The following HSD17B3 variants were observed in gnomAD, a reference collection of about 807,000 sequenced individuals.
HSD17B3 encodes the protein hydroxysteroid 17-beta dehydrogenase 3, also known as 17-beta-hydroxysteroid dehydrogenase type 3.
A neutral mutation model predicts 41.1 loss-of-function variants in HSD17B3; 29 were observed. The observed-to-expected ratio is 0.71, with a 90% CI of 0.53 to 0.96. HSD17B3 has a LOEUF of 0.96. Among genes scored for constraint, HSD17B3 ranks in the 40% least tolerant of loss-of-function variants. The pLI is 0.00. For missense variants in HSD17B3, 323 were observed against 374.6 expected (o/e 0.86, Z 1.14); for synonymous variants, 126 against 145.6 (o/e 0.87, Z 0.97).
chr9:96,294,037 G>C (rs938067407), intron 2 of HSD17B3, among the ~76,000 whole-genome samples: 4 of 152,296 alleles, frequency 2.6e-5, no homozygotes, highest in African/African-American at 9.6e-5. Context: ...TTAGCAGGGA[G>C]AGAACAGGAT....
At chr9:96,261,152 C>A (rs1416319657) in intron 2 of HSD17B3, among the ~76,000 whole-genome samples, 1 of 152,050 alleles carries the variant, frequency 6.6e-6, no homozygotes, top group Non-Finnish European at 1.5e-5. Flanking sequence ...CCCAGACCCC[C>A]CAAAAATCTA....
At chr9:96,246,488 C>A (rs944024334) in intron 7 of HSD17B3, 68 bp downstream of exon 7, 3 of 1,394,756 alleles carry the variant, frequency 2.2e-6, no homozygotes, top group South Asian at 1.2e-5. Context: ...TGTCCCCAGT[C>A]CCTGAGTTAG....
intron 5 of HSD17B3, chr9:96,250,193 G>A: frequency 8.8e-7 from 1 of 1,140,722 alleles, no homozygotes; most frequent in Non-Finnish European, 1.1e-6. Context: ...GCTATGGAGG[G>A]CAGGTAAAGA....
At chr9:96,270,506 A>G (rs1366933800) in intron 2 of HSD17B3, among the ~76,000 whole-genome samples, 1 of 152,252 alleles carries the variant, frequency 6.6e-6, no homozygotes, top group Non-Finnish European at 1.5e-5. Context: ...GACATTAGGA[A>G]GAAGAATTTC....
chr9:96,287,744 T>A (rs969010126), intron 2 of HSD17B3, among the ~76,000 whole-genome samples: 1 of 151,488 alleles, frequency 6.6e-6, no homozygotes, highest in Non-Finnish European at 1.5e-5. Flanking sequence ...TAAAATTTTT[T>A]AAAAAGACAA....
At chr9:96,240,708 C>A (rs372569640) in intron 10 of HSD17B3, 50 bp downstream of exon 10, 2 of 1,604,152 alleles carry the variant, frequency 1.2e-6, no homozygotes, top group African/African-American at 2.7e-5. Flanking sequence ...CCAGGGCCAC[C>A]TGCGTGTCCT....
chr9:96,275,898 T>C (rs2130769053), intron 2 of HSD17B3, among the ~76,000 whole-genome samples: 1 of 151,928 alleles, frequency 6.6e-6, no homozygotes, highest in Non-Finnish European at 1.5e-5. Flanking sequence ...TCCTCACCTA[T>C]CAATAATTAT....
intron 2 of HSD17B3, among the ~76,000 whole-genome samples, chr9:96,284,662 T>C (rs1396650690): frequency 1.3e-5 from 2 of 152,158 alleles, no homozygotes; most frequent in South Asian, 4.1e-4. Context: ...TTCTGACCCA[T>C]AGTAAGTAAA....
rs747479797 is a variant in HSD17B3, at chr9:96,290,456, C to CCTTTTTTTTTTTTTTTTTTTTTT, written c.201+7959_201+7960insAAAAAAAAAAAAAAAAAAAAAAG. 3.8e-5 allele frequency among the ~76,000 whole-genome samples: 3 copies of CCTTTTTTTTTTTTTTTTTTTTTT among 78,418 alleles called. 1 individual carries two copies. Among genetic ancestry groups the CCTTTTTTTTTTTTTTTTTTTTTT allele is most frequent in the Non-Finnish European group, 2.2e-5 (1 of 46,054 alleles). 51.4% of individuals were successfully genotyped at this position (78,418 alleles called of 152,430 possible). ...GAAGGGCACTGTGGTATTTCCTGGG[C>CCTTTTTTTTTTTTTTTTTTTTTT]TTTTTTTTTTTTTTTTTTTTTTTCC... On this transcript the variant is annotated intron_variant, in intron 2 of 10. Transcript: ENST00000375263.
At chr9:96,292,778 T>C (rs1473887139) in intron 2 of HSD17B3, among the ~76,000 whole-genome samples, 1 of 152,172 alleles carries the variant, frequency 6.6e-6, no homozygotes, top group Non-Finnish European at 1.5e-5. Context: ...AGAAAAAATT[T>C]TGAAAGCCAA....
At chr9:96,270,128 A>C (rs1826187154) in intron 2 of HSD17B3, among the ~76,000 whole-genome samples, 2 of 152,132 alleles carry the variant, frequency 1.3e-5, no homozygotes, top group African/African-American at 2.4e-5. Context: ...CTTCAAGGAC[A>C]CTGGTGATGT....
In HSD17B3 at chr9:96,235,433, G is replaced by T; in HGVS notation, c.*27C>A. Reference sequence around the variant, plus strand: ...GCCAGCATGGGACTGGTGAGGAAAAGGTTGTGCTGGACTCCTCACCGCCTG... The same window carrying T: ...GCCAGCATGGGACTGGTGAGGAAAATGTTGTGCTGGACTCCTCACCGCCTG... On this transcript the variant is annotated 3_prime_UTR_variant, in exon 11 of 11. Coordinates refer to ENST00000375263, the MANE Select transcript of HSD17B3 (RefSeq NM_000197.2). 2 of 1,507,224 alleles carry T rather than the reference G, an allele frequency of 1.3e-6. No individual in the cohort carries two copies. The highest frequency in any genetic ancestry group is 1.8e-6 in the Non-Finnish European group (2 of 1,087,012). The allele number at this position is 1,507,224 out of a possible 1,614,324, so 93.4% of individuals were successfully genotyped here. A position where few individuals can be genotyped will look rare whatever the true frequency, so the allele number is the denominator to read the frequency against.
At chr9:96,243,432 T>C (rs1455924857) in intron 9 of HSD17B3, among the ~76,000 whole-genome samples, 1 of 152,238 alleles carries the variant, frequency 6.6e-6, no homozygotes, top group Non-Finnish European at 1.5e-5. Flanking sequence ...TCTGCCTACT[T>C]AATAAGCTTT....
At chr9:96,255,704 G>T (rs7863067) in intron 2 of HSD17B3, among the ~76,000 whole-genome samples, 133,899 of 152,210 alleles carry the variant, frequency 0.88, 59,183 homozygotes, top group African/African-American at 0.97. Flanking sequence ...GCCCCGACTT[G>T]TGAGCTGCTT....
In HSD17B3 at chr9:96,244,393, G is replaced by T. The variant is rs119481076; in HGVS notation, c.608C>A (p.Ala203Glu). 4 of 1,614,010 alleles carry T rather than the reference G, an allele frequency of 2.5e-6. No homozygotes were observed. Among genetic ancestry groups the T allele is most frequent in the Non-Finnish European group, 3.4e-6 (4 of 1,179,984 alleles). The change falls in exon 9 of 11, where the codon GCG becomes GAG. Residue 203 changes from alanine (A) to glutamate (E), a missense_variant and splice_region_variant. Transcript: ENST00000375263. The part of the protein sequence containing the change: ...PLYSMYSASK[A>E]FVCAFSKALQ... Reference sequence around the variant, plus strand: ...GGCCTTGGAAAATGCGCACACAAACGCCTGGAGCAAGAAGGAGAGACACCT... The same window carrying T: ...GGCCTTGGAAAATGCGCACACAAACTCCTGGAGCAAGAAGGAGAGACACCT...
intron 10 of HSD17B3, among the ~76,000 whole-genome samples, chr9:96,240,455 G>T (rs142027379): frequency 4.9e-4 from 74 of 152,316 alleles, no homozygotes; most frequent in African/African-American, 1.7e-3. Context: ...AGAGAAGACA[G>T]CAGCCCCCAC....
chr9:96,280,795 T>TA (rs2130776693), intron 2 of HSD17B3, among the ~76,000 whole-genome samples: 1 of 152,162 alleles, frequency 6.6e-6, no homozygotes, highest in African/African-American at 2.4e-5. Context: ...CAGCTTGCAG[T>TA]AAAAAAGCCA....
At chr9:96,283,326 T>G (rs1213747337) in intron 2 of HSD17B3, among the ~76,000 whole-genome samples, 2 of 152,212 alleles carry the variant, frequency 1.3e-5, no homozygotes, top group Non-Finnish European at 2.9e-5. Flanking sequence ...AGCAAAAACC[T>G]GCTTATAATC....
chr9:96,268,765 A>G (rs566641352), intron 2 of HSD17B3, among the ~76,000 whole-genome samples: 71 of 152,284 alleles, frequency 4.7e-4, no homozygotes, highest in African/African-American at 1.7e-3. Context: ...CCTGGCCAAC[A>G]TAGCAAAACC....
Sources: allele counts gnomAD v4.1 joint callset (sites outside exome capture counted in the v4.1 genomes callset), GRCh38; gene constraint gnomAD v4.1.1; transcripts MANE v1.5; gene names NCBI Gene and HGNC (gene_info 2026-07-23, HGNC 2026-07-21).